The following CORIN variants were observed in gnomAD, a reference collection of about 807,000 sequenced individuals.
CORIN encodes the protein atrial natriuretic peptide-converting enzyme.
In CORIN, 117 loss-of-function variants were observed where a neutral mutation model predicts 125.3. The ratio of observed to expected loss-of-function variants is 0.93; its 90% confidence interval spans 0.80 to 1.09. The LOEUF is 1.09. Ranked by LOEUF, CORIN falls within the 50% of genes least tolerant of loss-of-function variation. The pLI is 0.00. For synonymous variants in CORIN, 450 were observed against 466.4 expected, an observed-to-expected ratio of 0.96 and a Z score of 0.45; for missense variants, 1,253 against 1,306.7, an observed-to-expected ratio of 0.96 and a Z score of 0.63.
At chr4:47,636,983 A>T (rs1723050670) in intron 16 of CORIN, among the ~76,000 whole-genome samples, 1 of 152,214 alleles carries the variant, frequency 6.6e-6, no homozygotes, top group Non-Finnish European at 1.5e-5. Flanking sequence ...CCTAGAAACT[A>T]GTTGAATTGC....
intron 2 of CORIN, among the ~76,000 whole-genome samples, chr4:47,802,297 A>C (rs1009168288): frequency 1.3e-5 from 2 of 152,156 alleles, no homozygotes; most frequent in African/African-American, 4.8e-5. Flanking sequence ...GTAGGGCACC[A>C]ACCAGGCTCT....
intron 5 of CORIN, among the ~76,000 whole-genome samples, chr4:47,744,120 T>G (rs1728542845): frequency 1.3e-5 from 2 of 152,220 alleles, no homozygotes; most frequent in Admixed American, 1.3e-4. Flanking sequence ...TTACATATTG[T>G]ATGATTCCAT....
chr4:47,680,183 C>G lies in CORIN; in HGVS notation c.1090G>C (p.Gly364Arg), dbSNP rs771277858. The G allele has an allele frequency of 2.5e-6, 4 of 1,613,828 alleles. No individual in the cohort carries two copies. In the African/African-American group the frequency reaches 5.3e-5, roughly 22 times the overall value. The change falls in exon 8 of 22, where the codon GGT (glycine) becomes CGT (arginine). Residue 364 changes from glycine to arginine, a missense_variant. Physicochemically the swap from Gly to Arg is moderately radical, Grantham distance 125 (BLOSUM62 -2). Coordinates refer to ENST00000273857, the MANE Select transcript of CORIN (RefSeq NM_006587.4). ...RCIAMEWVCD[G>R]DHDCVDKSDE... ...GACTTATCCACACAGTCGTGGTCAC[C>G]ATCACACACCCACTCCATGGCGATG...
chr4:47,667,777 C>T (rs200047509), intron 10 of CORIN, among the ~76,000 whole-genome samples: 3 of 152,232 alleles, frequency 2.0e-5, no homozygotes, highest in Admixed American at 1.3e-4. Flanking sequence ...GAAGACTAGA[C>T]GGAAGAGGTT....
At chr4:47,781,346 T>C (rs1378130525) in intron 3 of CORIN, among the ~76,000 whole-genome samples, 1 of 152,208 alleles carries the variant, frequency 6.6e-6, no homozygotes, top group African/African-American at 2.4e-5. Flanking sequence ...GTGACACACA[T>C]TTAATAGAAA....
At chr4:47,836,920 C>G (rs185637012) in intron 1 of CORIN, among the ~76,000 whole-genome samples, 1 of 152,238 alleles carries the variant, frequency 6.6e-6, no homozygotes, top group African/African-American at 2.4e-5. Flanking sequence ...GGTCGGTCCC[C>G]GATTCGGAGC....
chr4:47,797,439 G>A (rs943713383), intron 2 of CORIN, among the ~76,000 whole-genome samples: 1 of 151,744 alleles, frequency 6.6e-6, no homozygotes, highest in Non-Finnish European at 1.5e-5. Flanking sequence ...AAGAATAAAA[G>A]GCCTGTCAAA....
Position 47,744,435 on chromosome 4 carries a change from A to G in CORIN, c.766T>C (p.Cys256Arg), listed in dbSNP as rs1728565339. Residue 256 changes from cysteine to arginine, a missense_variant, in exon 5 of 22, where the codon TGC becomes CGC. Physicochemically the swap from Cys to Arg is radical, Grantham distance 180 (BLOSUM62 -3). Coordinates refer to ENST00000273857, the MANE Select transcript of CORIN (RefSeq NM_006587.4). ...QTESSNVSRI[C>R]FSPQQENGKQ... ...CCGTTTTCCTGCTGAGGTGAGAAGCAAATTCTGCTGACATTGCTGCTTTCA... is the reference window on the plus strand; with the variant it reads ...CCGTTTTCCTGCTGAGGTGAGAAGCGAATTCTGCTGACATTGCTGCTTTCA... The G allele has an allele frequency of 5.6e-6, 9 of 1,613,948 alleles. No individual in the cohort carries two copies. Among genetic ancestry groups the G allele is most frequent in the Non-Finnish European group, 6.8e-6 (8 of 1,179,988 alleles).
At chr4:47,775,698 G>A (rs1730266650) in intron 3 of CORIN, among the ~76,000 whole-genome samples, 1 of 152,118 alleles carries the variant, frequency 6.6e-6, no homozygotes, top group Non-Finnish European at 1.5e-5. Flanking sequence ...GAGAAAGTTG[G>A]CACCTGTAGG....
intron 19 of CORIN, among the ~76,000 whole-genome samples, chr4:47,617,235 G>A (rs758521655): frequency 3.3e-5 from 5 of 152,152 alleles, no homozygotes; most frequent in African/African-American, 7.2e-5. Context: ...ATGCTCATTT[G>A]GGGTTTATGA....
At position 47,603,414 on chromosome 4, in the gene CORIN, C is replaced by T. The variant is rs1165711315; in HGVS notation, c.2795G>A (p.Gly932Asp). The change falls in exon 20 of 22, where the codon GGC becomes GAC. Residue 932 changes from glycine to aspartate, a missense_variant. Gly to Asp is a moderately conservative substitution (Grantham distance 94). Coordinates refer to ENST00000273857, the MANE Select transcript of CORIN (RefSeq NM_006587.4). ...PDTYCYITGW[G>D]HMGNKMPFKL... ...TGGCTTACTTTTATTGCCCATGTGGCCCCAGCCTGTGATATAGCAGTACGT... is the reference window on the plus strand; with the variant it reads ...TGGCTTACTTTTATTGCCCATGTGGTCCCAGCCTGTGATATAGCAGTACGT... 5 of 1,614,030 alleles carry T rather than the reference C, an allele frequency of 3.1e-6. No individual in the cohort carries two copies. In the South Asian group the frequency reaches 5.5e-5, roughly 18 times the overall value.
intron 5 of CORIN, among the ~76,000 whole-genome samples, chr4:47,710,139 C>T (rs899292706): frequency 1.3e-5 from 2 of 152,054 alleles, no homozygotes; most frequent in African/African-American, 2.4e-5. Context: ...TGAAAGTAGC[C>T]TCATGATTTG....
intron 20 of CORIN, among the ~76,000 whole-genome samples, chr4:47,603,026 C>A (rs1721504175): frequency 6.6e-6 from 1 of 152,034 alleles, no homozygotes; most frequent in African/African-American, 2.4e-5. Context: ...AAGATCCTGG[C>A]TGATATGGTT....
At chr4:47,643,013 T>C (rs771158598) in intron 15 of CORIN, 133 bp downstream of exon 15, 167 of 1,543,084 alleles carry the variant, frequency 1.1e-4, no homozygotes, top group Admixed American at 2.1e-4. Flanking sequence ...ATCAGCACTA[T>C]CAGCTTTTAT....
chr4:47,719,159 T>C (rs1727237099), intron 5 of CORIN, among the ~76,000 whole-genome samples: 1 of 152,210 alleles, frequency 6.6e-6, no homozygotes, highest in Admixed American at 6.5e-5. Flanking sequence ...AACTTTTCTA[T>C]TCCTTGTGGT....
intron 1 of CORIN, among the ~76,000 whole-genome samples, chr4:47,808,931 A>C (rs1401320708): frequency 2.6e-5 from 4 of 152,226 alleles, no homozygotes; most frequent in African/African-American, 9.6e-5. Context: ...GGAGAGATGA[A>C]ATGTACATGA....
intron 3 of CORIN, among the ~76,000 whole-genome samples, chr4:47,779,365 T>C (rs1730435551): frequency 6.6e-6 from 1 of 152,118 alleles, no homozygotes; most frequent in Admixed American, 6.6e-5. Context: ...GATAGTTGCC[T>C]GATGAGTAGT....
chr4:47,768,329 A>G lies in CORIN; in HGVS notation c.410-4743T>C, dbSNP rs539010668. ...TCTCACGGACTCAAGTGAAAGAACC[A>G]GTAACAAAAAGTCTTCCATCACAGA... is the stretch of plus-strand genomic sequence containing the variant. On this transcript the variant is annotated intron_variant, in intron 3 of 21. Transcript: ENST00000273857. 1.3e-4 allele frequency among the ~76,000 whole-genome samples: 20 copies of G among 152,360 alleles called. 1 individual carries two copies. Among genetic ancestry groups the G allele is most frequent in the African/African-American group, 4.1e-4 (17 of 41,580 alleles).
rs374096663 is a variant in CORIN, at chr4:47,715,525, A to T, written c.800-22442T>A. On this transcript the variant is annotated intron_variant, in intron 5 of 21. Transcript: ENST00000273857. ...GAGGCTGAGGCCTGAGAATTGCTTG[A>T]ATCCAGGAGACGGAGGTGAGCTGAG... 5.3e-5 allele frequency among the ~76,000 whole-genome samples: 8 copies of T among 152,284 alleles called. 1 individual carries two copies. The highest frequency in any genetic ancestry group is 2.6e-4 in the Admixed American group (4 of 15,296).
Sources: gnomAD v4.1 joint callset for allele counts (sites outside exome capture counted in the v4.1 genomes callset) on GRCh38, gnomAD v4.1.1 for gene constraint, MANE v1.5 for transcripts, NCBI Gene and HGNC (gene_info 2026-07-23, HGNC 2026-07-21) for gene names.